Variants in DAGLB observed in about 807,000 individuals in gnomAD.
DAGLB encodes the protein diacylglycerol lipase-beta.
In DAGLB, 66 loss-of-function variants were observed where a neutral mutation model predicts 72.1. The observed-to-expected ratio is 0.92, with a 90% CI of 0.75 to 1.12. DAGLB has a LOEUF of 1.12. DAGLB is among the 50% of genes most tolerant of loss of function. DAGLB has a pLI of 0.00. For synonymous variants in DAGLB, 414 were observed against 359.5 expected, an observed-to-expected ratio of 1.15 and a Z score of -1.71; for missense variants, 1,065 against 884.9, an observed-to-expected ratio of 1.20 and a Z score of -2.58.
At chr7:6,414,772 G>A (rs894498995) in intron 11 of DAGLB, among the ~76,000 whole-genome samples, 1 of 152,038 alleles carries the variant, frequency 6.6e-6, no homozygotes, top group Non-Finnish European at 1.5e-5. Flanking sequence ...CTGCTAAAAG[G>A]AACCAATATT....
Position 6,421,736 on chromosome 7 carries a change from C to T in DAGLB, c.1209G>A (p.Leu403=). ...LDVECEVQDR[L]AHKGISQAAR... is the part of the protein sequence containing the mutation. ...GAGTCCGCGCTCATACCTTGTGTGC[C>T]AGGCGGTCCTGCACCTCACACTCCA... Residue 403 remains leucine (L), a synonymous_variant, in exon 9 of 15, where the codon CTG becomes CTA. Transcript: ENST00000297056. 2.5e-6 allele frequency: 4 copies of T among 1,610,368 alleles called. No individual in the cohort carries two copies. The South Asian group carries it at 4.4e-5, about 18-fold the overall frequency.
intron 6 of DAGLB, among the ~76,000 whole-genome samples, chr7:6,428,839 C>G (rs1784393324): frequency 6.6e-6 from 1 of 152,118 alleles, no homozygotes; most frequent in Non-Finnish European, 1.5e-5. Context: ...GCGTCTTGCT[C>G]TGTCACTCAG....
At chr7:6,441,486 C>T (rs1234835484) in intron 2 of DAGLB, among the ~76,000 whole-genome samples, 1 of 149,708 alleles carries the variant, frequency 6.7e-6, no homozygotes, top group Non-Finnish European at 1.5e-5. Context: ...GGCGCGATCT[C>T]GGCTCACTGC....
chr7:6,433,695 C>T (rs1784563345), intron 4 of DAGLB, among the ~76,000 whole-genome samples: 1 of 152,076 alleles, frequency 6.6e-6, no homozygotes, highest in African/African-American at 2.4e-5. Flanking sequence ...CAAAAATTAG[C>T]TGGGCGTGGT....
intron 3 of DAGLB, 141 bp downstream of exon 3, chr7:6,436,221 C>T: frequency 9.5e-7 from 1 of 1,056,300 alleles, no homozygotes; most frequent in Middle Eastern, 3.2e-4. Context: ...TCTAAATTTT[C>T]ATGAGTTACG....
chr7:6,437,758 C>T (rs748119363), intron 2 of DAGLB, among the ~76,000 whole-genome samples: 1 of 152,154 alleles, frequency 6.6e-6, no homozygotes, highest in Non-Finnish European at 1.5e-5. Flanking sequence ...AAGTGATTCT[C>T]CTGCCTCAGC....
At chr7:6,447,245 A>T (rs1034730538) in intron 1 of DAGLB, among the ~76,000 whole-genome samples, 3 of 152,176 alleles carry the variant, frequency 2.0e-5, no homozygotes, top group Non-Finnish European at 2.9e-5. Flanking sequence ...TTGAAAGACA[A>T]CAGCGTTGTA....
intron 2 of DAGLB, among the ~76,000 whole-genome samples, chr7:6,440,067 AG>A (rs11297074): frequency 0.46 from 63,859 of 139,462 alleles, 15,120 homozygotes; most frequent in East Asian, 0.75. Context: ...AAAAAAAAAA[AG>A]AAAGAAAAAG....
At chr7:6,415,851 A>C (rs1325814543) in intron 11 of DAGLB, among the ~76,000 whole-genome samples, 1 of 149,838 alleles carries the variant, frequency 6.7e-6, no homozygotes, top group African/African-American at 2.4e-5. Flanking sequence ...TCTCAAAAAA[A>C]AAAAAAAAAG....
intron 11 of DAGLB, 66 bp downstream of exon 11, chr7:6,416,561 A>G: frequency 6.6e-7 from 1 of 1,519,704 alleles, no homozygotes; most frequent in Non-Finnish European, 8.8e-7. Flanking sequence ...AAAAGAAAAA[A>G]AAGATGAGTC....
chr7:6,422,088 A>G (rs1784146166), intron 8 of DAGLB: 2 of 499,270 alleles, frequency 4.0e-6, no homozygotes, highest in African/African-American at 1.9e-5. Context: ...CACGTATTCT[A>G]AGGACCCCGT....
chr7:6,431,507 C>A (rs950698172), intron 5 of DAGLB, among the ~76,000 whole-genome samples: 1 of 152,196 alleles, frequency 6.6e-6, no homozygotes, highest in African/African-American at 2.4e-5. Context: ...TGCAGTGGCT[C>A]ACGCCTGTAA....
chr7:6,418,508 A>T (rs1198945163), intron 9 of DAGLB, among the ~76,000 whole-genome samples: 1 of 152,228 alleles, frequency 6.6e-6, no homozygotes, highest in Admixed American at 6.5e-5. Context: ...AAATATCTTC[A>T]AAATGCTTCC....
intron 9 of DAGLB, among the ~76,000 whole-genome samples, chr7:6,419,974 C>A (rs1474027104): frequency 2.6e-5 from 4 of 152,078 alleles, no homozygotes; most frequent in Admixed American, 2.6e-4. Flanking sequence ...GAGACCCCAT[C>A]TCTACAAAAT....
chr7:6,415,897 T>G (rs945408748), intron 11 of DAGLB, among the ~76,000 whole-genome samples: 1 of 151,230 alleles, frequency 6.6e-6, no homozygotes. Context: ...TTTAAACATG[T>G]GCATTATGCA....
Position 6,436,452 on chromosome 7 carries a change from A to G in DAGLB, c.329T>C (p.Val110Ala), listed in dbSNP as rs1562487643. 1 of 1,614,142 alleles carries G rather than the reference A, an allele frequency of 6.2e-7. No individual in the cohort carries two copies. Among genetic ancestry groups the G allele is most frequent in the Non-Finnish European group, 8.5e-7 (1 of 1,180,016 alleles). The change falls in exon 3 of 15, where the codon GTC becomes GCC. Residue 110 changes from valine (V) to alanine (A), a missense_variant. Coordinates refer to ENST00000297056, the MANE Select transcript of DAGLB (RefSeq NM_139179.4). Reference sequence around the variant, plus strand: ...CCAGGCAGCCCCCAGAGAGGCCCAGACCATCTCTGGAAAAAACAGCGCCAG... The same window carrying G: ...CCAGGCAGCCCCCAGAGAGGCCCAGGCCATCTCTGGAAAAAACAGCGCCAG... ...IRLALFFPEMVWASLGAAWVA... is the reference protein window; with the variant it reads ...IRLALFFPEMAWASLGAAWVA...
At chr7:6,431,343 C>A (rs1489056507) in intron 5 of DAGLB, among the ~76,000 whole-genome samples, 1 of 152,124 alleles carries the variant, frequency 6.6e-6, no homozygotes, top group African/African-American at 2.4e-5. Context: ...CCAAGCAAAG[C>A]TGAACTGCTT....
At chr7:6,413,117 G>T in intron 11 of DAGLB, 83 bp from the exon 12 acceptor site, 2 of 1,435,952 alleles carry the variant, frequency 1.4e-6, no homozygotes, top group Non-Finnish European at 9.6e-7. Context: ...CAGTAACACT[G>T]AGGGGTTAGG....
At position 6,426,133 on chromosome 7, in the gene DAGLB, C is replaced by T. The variant is rs375107899; in HGVS notation, c.930-19G>A. 127 of 1,612,510 alleles carry T rather than the reference C, an allele frequency of 7.9e-5. No homozygotes were observed. Among genetic ancestry groups the T allele is most frequent in the Non-Finnish European group, 1.1e-4 (126 of 1,179,596 alleles). ...TCTGCAGCTAAAAAGAGGACAAAGA[C>T]GTTACTATGCCGAACAGAGCCACTT... is the stretch of plus-strand genomic sequence containing the variant. On this transcript the variant is annotated intron_variant, in intron 6 of 14. Transcript: ENST00000297056.
Sources: gnomAD v4.1 joint callset for allele counts (sites outside exome capture counted in the v4.1 genomes callset) on GRCh38, gnomAD v4.1.1 for gene constraint, MANE v1.5 for transcripts, NCBI Gene and HGNC (gene_info 2026-07-23, HGNC 2026-07-21) for gene names.